SPTBN1: variants seen among roughly 807,000 people sequenced by gnomAD.
SPTBN1 encodes the protein spectrin beta chain, non-erythrocytic 1.
Under a neutral mutation model 266.4 loss-of-function variants are expected in SPTBN1, and 32 were observed. The ratio of observed to expected loss-of-function variants is 0.12; its 90% confidence interval spans 0.09 to 0.16. SPTBN1 has a LOEUF of 0.16. Ranked by LOEUF, SPTBN1 falls within the 10% of genes least tolerant of loss-of-function variation. The pLI is 1.00. For missense variants in SPTBN1, 2,296 were observed against 3,067.1 expected (o/e 0.75, Z 5.94); for synonymous variants, 1,336 against 1,162.2 (o/e 1.15, Z -3.04).
chr2:54,496,195 G>C (rs1247885027), intron 1 of SPTBN1, among the ~76,000 whole-genome samples: 1 of 152,038 alleles, frequency 6.6e-6, no homozygotes, highest in Non-Finnish European at 1.5e-5. Flanking sequence ...CTAGAACTTT[G>C]GGAGGCTGAG....
At chr2:54,597,157 T>C (rs1012186342) in intron 2 of SPTBN1, among the ~76,000 whole-genome samples, 3 of 152,188 alleles carry the variant, frequency 2.0e-5, no homozygotes, top group Non-Finnish European at 4.4e-5. Flanking sequence ...ACAAAAAAAA[T>C]TGTTAACCCT....
intron 33 of SPTBN1, 46 bp from the exon 34 acceptor site, chr2:54,665,869 T>G (rs1273982920): frequency 1.0e-5 from 16 of 1,568,588 alleles, no homozygotes; most frequent in Non-Finnish European, 1.4e-5. Context: ...AAGGGGAATG[T>G]GGTAGAGCCT....
intron 5 of SPTBN1, among the ~76,000 whole-genome samples, chr2:54,617,109 A>G (rs1677659334): frequency 6.6e-6 from 1 of 152,242 alleles, no homozygotes; most frequent in African/African-American, 2.4e-5. Context: ...GGTAAGTTTC[A>G]CACATAAATT....
chr2:54,497,307 A>G (rs772043895), intron 1 of SPTBN1, among the ~76,000 whole-genome samples: 9 of 152,378 alleles, frequency 5.9e-5, no homozygotes, highest in Non-Finnish European at 1.0e-4. Context: ...TAACAAATGC[A>G]GGAACAATTT....
chr2:54,590,171 A>G (rs1419481440), intron 2 of SPTBN1, among the ~76,000 whole-genome samples: 2 of 152,196 alleles, frequency 1.3e-5, no homozygotes, highest in Non-Finnish European at 2.9e-5. Context: ...CTCTGGACCC[A>G]TTTTAGTCTG....
chr2:54,659,938 A>T lies in SPTBN1; in HGVS notation c.6359A>T (p.Asp2120Val), dbSNP rs770728751. ...CCTTTTCCCCTCTTCCCTAACAGGG[A>T]TACTTCAAAAGGAGAACAAGTTTCC... ...SEEAESQQQW[D>V]TSKGEQVSQN... is the part of the protein sequence containing the mutation. The change falls in exon 32 of 36, where the codon GAT becomes GTT. Residue 2120 changes from aspartate (D) to valine (V), a missense_variant and splice_region_variant. By Grantham distance (152) the Asp-to-Val change is radical. Coordinates refer to ENST00000356805, the MANE Select transcript of SPTBN1 (RefSeq NM_003128.3). 1.2e-6 allele frequency: 2 copies of T among 1,613,710 alleles called. No homozygotes were observed. The highest frequency in any genetic ancestry group is 1.3e-5 in the African/African-American group (1 of 74,912).
chr2:54,563,402 AG>A (rs1558844152), intron 2 of SPTBN1, among the ~76,000 whole-genome samples: 1 of 152,168 alleles, frequency 6.6e-6, no homozygotes. Flanking sequence ...CGTTTGCACC[AG>A]GAGAGGTATG....
intron 2 of SPTBN1, among the ~76,000 whole-genome samples, chr2:54,545,959 T>G (rs1267958091): frequency 6.6e-6 from 1 of 152,212 alleles, no homozygotes; most frequent in South Asian, 2.1e-4. Flanking sequence ...TTTGTCCTTC[T>G]ACAGGAAATA....
rs141977637 is a variant in SPTBN1, at chr2:54,656,081, G to C, written c.6046+83G>C. The C allele has an allele frequency of 7.0e-5, 85 of 1,216,806 alleles. No homozygotes were observed. In the African/African-American group the frequency reaches 9.6e-4, roughly 14 times the overall value. The allele number at this position is 1,216,806 out of a possible 1,614,324, so 75.4% of individuals were successfully genotyped here. ...TATTTTCTTGCTTTAATTCATTAAT[G>C]TTATCATTTAAAGATTGTTCGAGTT... is the stretch of plus-strand genomic sequence containing the variant. On this transcript the variant is annotated intron_variant, in intron 29 of 35. Coordinates refer to ENST00000356805, the MANE Select transcript of SPTBN1 (RefSeq NM_003128.3).
chr2:54,618,249 TA>T, intron 7 of SPTBN1, 56 bp downstream of exon 7: 1 of 1,407,240 alleles, frequency 7.1e-7, no homozygotes, highest in South Asian at 1.2e-5. Context: ...ATCCAGGTGT[TA>T]ATGTAAAATC....
chr2:54,481,605 G>C (rs1345714530), intron 1 of SPTBN1, among the ~76,000 whole-genome samples: 4 of 152,168 alleles, frequency 2.6e-5, no homozygotes, highest in Non-Finnish European at 5.9e-5. Flanking sequence ...GAGTGAGCCA[G>C]AGCAAATGGA....
intron 1 of SPTBN1, among the ~76,000 whole-genome samples, chr2:54,469,347 C>T (rs2103849174): frequency 6.6e-6 from 1 of 152,110 alleles, no homozygotes; most frequent in East Asian, 1.9e-4. Flanking sequence ...GGTAATGGGC[C>T]CCAAGGAAAA....
intron 1 of SPTBN1, among the ~76,000 whole-genome samples, chr2:54,482,425 G>C (rs185185092): frequency 6.6e-6 from 1 of 152,136 alleles, no homozygotes; most frequent in East Asian, 1.9e-4. Flanking sequence ...CCCACTTCCA[G>C]AGAATCTGAT....
intron 2 of SPTBN1, 147 bp from the exon 3 acceptor site, chr2:54,598,945 C>G (rs1004788620): frequency 2.4e-5 from 18 of 758,222 alleles, no homozygotes; most frequent in African/African-American, 1.9e-4. Context: ...AAAGACATGA[C>G]CGCAGTTAAG....
chr2:54,659,882 C>G (rs1052008645), intron 31 of SPTBN1, 54 bp from the exon 32 acceptor site: 36 of 1,576,408 alleles, frequency 2.3e-5, no homozygotes, highest in Non-Finnish European at 3.0e-5. Context: ...CTTACTGTTT[C>G]CTCTTTCTCC....
At chr2:54,610,880 G>GA (rs1677162099) in intron 3 of SPTBN1, among the ~76,000 whole-genome samples, 1 of 152,208 alleles carries the variant, frequency 6.6e-6, no homozygotes, top group Admixed American at 6.5e-5. Flanking sequence ...CAAGAACTGT[G>GA]AGAGATGGCT....
At chr2:54,610,177 C>T (rs528762983) in intron 3 of SPTBN1, among the ~76,000 whole-genome samples, 1 of 151,452 alleles carries the variant, frequency 6.6e-6, no homozygotes, top group Non-Finnish European at 1.5e-5. Context: ...TTAAGCCAAA[C>T]CTCTTTCCGA....
At chr2:54,620,130 C>A (rs79577080) in intron 7 of SPTBN1, among the ~76,000 whole-genome samples, 1 of 152,184 alleles carries the variant, frequency 6.6e-6, no homozygotes, top group Non-Finnish European at 1.5e-5. Flanking sequence ...ACCTGCTTTG[C>A]GCAGGACAGC....
chr2:54,553,454 C>G (rs192998326), intron 2 of SPTBN1, among the ~76,000 whole-genome samples: 1 of 152,210 alleles, frequency 6.6e-6, no homozygotes, highest in African/African-American at 2.4e-5. Flanking sequence ...TTTGGAGCCG[C>G]TTCTCTATCT....
Sources: gnomAD v4.1 joint callset for allele counts (sites outside exome capture counted in the v4.1 genomes callset) on GRCh38, gnomAD v4.1.1 for gene constraint, MANE v1.5 for transcripts, NCBI Gene and HGNC (gene_info 2026-07-23, HGNC 2026-07-21) for gene names.